Variants in MAVS observed in about 807,000 individuals in gnomAD.
MAVS encodes mitochondrial antiviral-signaling protein.
MAVS carries 20 observed loss-of-function variants against 30.2 expected under a neutral mutation model. The observed-to-expected ratio is 0.66, with a 90% CI of 0.47 to 0.96. The LOEUF is 0.96. Ranked by LOEUF, MAVS falls within the 40% of genes least tolerant of loss-of-function variation. The pLI is 0.00. For missense variants in MAVS, 624 were observed against 701.1 expected, an observed-to-expected ratio of 0.89 and a Z score of 1.24; for synonymous variants, 278 against 293.9, an observed-to-expected ratio of 0.95 and a Z score of 0.55.
Position 3,865,931 on chromosome 20 carries a change from C to T in MAVS, c.1407C>T (p.His469=), listed in dbSNP as rs140310972. 9 of 1,613,794 alleles carry T rather than the reference C, an allele frequency of 5.6e-6. No homozygotes were observed. The highest frequency in any genetic ancestry group is 4.5e-5 in the East Asian group (2 of 44,884). ...AGTCCGAGGGCACCTTTGGGATCCA[C>T]GTGGCTGAGAACCCCAGCATCCAGC... ...EYKSEGTFGI[H]VAENPSIQLL... Residue 469 remains histidine, a synonymous_variant, in exon 7 of 7, where the codon CAC becomes CAT. Transcript: ENST00000428216. This position sits in a 1 kb window ranked among gnomAD's most constrained non-coding sequence, Gnocchi z 4.7.
chr20:3,858,685 A>T (rs2089835029), intron 3 of MAVS, among the ~76,000 whole-genome samples: 1 of 148,972 alleles, frequency 6.7e-6, no homozygotes, highest in Non-Finnish European at 1.5e-5. Context: ...AAAAAAAGAC[A>T]TGGGAAAAAA....
At chr20:3,859,936 C>T (rs945287759) in intron 3 of MAVS, among the ~76,000 whole-genome samples, 1 of 151,894 alleles carries the variant, frequency 6.6e-6, no homozygotes, top group Non-Finnish European at 1.5e-5. Flanking sequence ...CCTGCCTCAG[C>T]CTCCCGAGTA....
At position 3,867,001 on chromosome 20, in the gene MAVS, T is replaced by G. The variant is rs533099831; in HGVS notation, c.*854T>G. 4.4e-6 allele frequency: 2 copies of G among 456,786 alleles called. No homozygotes were observed. Among genetic ancestry groups the G allele is most frequent in the East Asian group, 1.4e-4 (2 of 14,408 alleles). 28.3% of individuals were successfully genotyped at this position (456,786 alleles called of 1,614,324 possible). A position where few individuals can be genotyped will look rare whatever the true frequency, so the allele number is the denominator to read the frequency against. On this transcript the variant is annotated 3_prime_UTR_variant, in exon 7 of 7. Transcript: ENST00000428216. The stretch of plus-strand genomic sequence containing the variant: ...TCCACGTGGACAGTGAGTATCTGGC[T>G]CATTCTTCACTGGGTTCTTCTGAGA...
chr20:3,849,655 T>C (rs978227792), intron 1 of MAVS, among the ~76,000 whole-genome samples: 2 of 152,234 alleles, frequency 1.3e-5, no homozygotes, highest in African/African-American at 2.4e-5. Context: ...AGCTGTGTTC[T>C]GCACGCTAGT....
chr20:3,856,533 G>A (rs2089812203), intron 2 of MAVS, among the ~76,000 whole-genome samples: 1 of 151,624 alleles, frequency 6.6e-6, no homozygotes, highest in Non-Finnish European at 1.5e-5. Flanking sequence ...TGTGTTTTTA[G>A]TAGAGACGGA....
chr20:3,850,266 G>C, intron 1 of MAVS, among the ~76,000 whole-genome samples: 1 of 89,148 alleles, frequency 1.1e-5, no homozygotes, highest in South Asian at 4.3e-4. Context: ...GAAGGAGCGA[G>C]ACTGTCTCAA....
intron 1 of MAVS, among the ~76,000 whole-genome samples, chr20:3,849,096 C>T (rs2089735374): frequency 6.6e-6 from 1 of 152,170 alleles, no homozygotes; most frequent in Non-Finnish European, 1.5e-5. Context: ...CCAGTGGTTC[C>T]CTGTTTCACT....
intron 1 of MAVS, among the ~76,000 whole-genome samples, chr20:3,847,476 T>C (rs1014214226): frequency 3.3e-5 from 5 of 152,148 alleles, no homozygotes; most frequent in African/African-American, 7.2e-5. Context: ...TCGGAAACTT[T>C]GCTGTATTGG....
chr20:3,874,549 A>C lies in MAVS; in HGVS notation c.*8402A>C, dbSNP rs1238347793. On this transcript the variant is annotated 3_prime_UTR_variant, in exon 7 of 7. Transcript: ENST00000428216. ...TGTGCTGTGATTGGAGATTGTTGGC[A>C]TGGGGACAGAGCGGACTAACTGGAG... 1 of 230,074 alleles carries C rather than the reference A, an allele frequency of 4.3e-6. No individual in the cohort carries two copies. The highest frequency in any genetic ancestry group is 8.4e-5 in the East Asian group (1 of 11,932). The allele number at this position is 230,074 out of a possible 1,614,324, so 14.3% of individuals were successfully genotyped here.
In MAVS at chr20:3,866,001, C is replaced by T; in HGVS notation, c.1477C>T (p.Pro493Ser). ...PGPPADPDGG[P>S]RPQADRKFQE... ...GCCACCTGCGGACCCGGATGGCGGC[C>T]CCAGGCCACAAGCCGACCGGAAGTT... The change falls in exon 7 of 7, where the codon CCC becomes TCC. Residue 493 changes from proline (P) to serine (S), a missense_variant. Physicochemically the swap from Pro to Ser is moderately conservative, Grantham distance 74 (BLOSUM62 -1). Coordinates refer to ENST00000428216, the MANE Select transcript of MAVS (RefSeq NM_020746.5). 1.2e-6 allele frequency: 2 copies of T among 1,612,958 alleles called. No individual in the cohort carries two copies. Among genetic ancestry groups the T allele is most frequent in the South Asian group, 1.1e-5 (1 of 91,082 alleles).
chr20:3,862,980 G>T (rs1157927113), intron 5 of MAVS, among the ~76,000 whole-genome samples: 1 of 152,204 alleles, frequency 6.6e-6, no homozygotes, highest in African/African-American at 2.4e-5. Context: ...GACAGGCACA[G>T]TGCAGTGGGG....
intron 1 of MAVS, among the ~76,000 whole-genome samples, chr20:3,854,272 T>G (rs1048604454): frequency 3.3e-5 from 5 of 151,202 alleles, no homozygotes; most frequent in African/African-American, 1.2e-4. Context: ...AATACAAAAA[T>G]TAGCTGGGCA....
rs1421573192 is a variant in MAVS, at chr20:3,865,845, A to T, written c.1321A>T (p.Ile441Phe). The T allele has an allele frequency of 6.2e-7, 1 of 1,614,048 alleles. No homozygotes were observed. The highest frequency in any genetic ancestry group is 8.5e-7 in the Non-Finnish European group (1 of 1,180,034). ...PFSGCFEDLAISASTSLGMGP... is the reference protein window; with the variant it reads ...PFSGCFEDLAFSASTSLGMGP... ...CTCGGGCTGCTTCGAGGATCTTGCC[A>T]TCAGTGCCAGCACCTCCTTGGGCAT... The change falls in exon 7 of 7, where the codon ATC becomes TTC. Residue 441 changes from isoleucine (I) to phenylalanine (F), a missense_variant. Transcript: ENST00000428216. This position sits in a 1 kb window ranked among gnomAD's most constrained non-coding sequence, Gnocchi z 4.7.
intron 3 of MAVS, among the ~76,000 whole-genome samples, chr20:3,859,674 T>C (rs983440957): frequency 5.9e-5 from 9 of 151,916 alleles, no homozygotes; most frequent in Admixed American, 5.9e-4. Context: ...CTAGGATGCC[T>C]GGGGACAGAG....
At chr20:3,852,625 G>A (rs1488379470) in intron 1 of MAVS, among the ~76,000 whole-genome samples, 1 of 152,036 alleles carries the variant, frequency 6.6e-6, no homozygotes, top group Non-Finnish European at 1.5e-5. Context: ...CCTTCCCAGT[G>A]CTGACCAACC....
Position 3,866,939 on chromosome 20 carries a change from G to A in MAVS, c.*792G>A, listed in dbSNP as rs2089913406. 1 of 456,850 alleles carries A rather than the reference G, an allele frequency of 2.2e-6. No homozygotes were observed. 28.3% of individuals were successfully genotyped at this position (456,850 alleles called of 1,614,324 possible). A position where few individuals can be genotyped will look rare whatever the true frequency, so the allele number is the denominator to read the frequency against. On this transcript the variant is annotated 3_prime_UTR_variant, in exon 7 of 7. Transcript: ENST00000428216. ...TCAGCTCCCTCACTTCCGGGGCTGT[G>A]TGGCTTTGGCAGATGTCAGACTTCT...
chr20:3,861,608 C>T (rs757921594), intron 4 of MAVS, 104 bp downstream of exon 4: 172 of 1,229,988 alleles, frequency 1.4e-4, no homozygotes, highest in South Asian at 2.2e-4. Flanking sequence ...CTATAAATCA[C>T]GCCTAATCTC....
At chr20:3,858,784 T>C (rs1207873637) in intron 3 of MAVS, among the ~76,000 whole-genome samples, 2 of 150,912 alleles carry the variant, frequency 1.3e-5, no homozygotes, top group Non-Finnish European at 2.9e-5. Flanking sequence ...CATGTTTTTC[T>C]TTTCTTTCTC....
chr20:3,849,962 T>G (rs1272021456), intron 1 of MAVS, among the ~76,000 whole-genome samples: 35 of 152,152 alleles, frequency 2.3e-4, no homozygotes. Context: ...TGGCAGCAAT[T>G]GCTTATATTT....
Sources: gnomAD v4.1 joint callset for allele counts (sites outside exome capture counted in the v4.1 genomes callset) on GRCh38, gnomAD v4.1.1 for gene constraint, Gnocchi (gnomAD v3.1) non-coding constraint, MANE v1.5 for transcripts, NCBI Gene and HGNC (gene_info 2026-07-23, HGNC 2026-07-21) for gene names.